The following FSTL4 variants were observed in gnomAD, a reference collection of about 807,000 sequenced individuals.
FSTL4 encodes the protein follistatin like 4.
Under a neutral mutation model 78.2 loss-of-function variants are expected in FSTL4, and 28 were observed. That is an observed-to-expected ratio of 0.36 (90% CI 0.27 to 0.49). The LOEUF (loss-of-function observed/expected upper bound fraction) is 0.49. Among genes scored for constraint, FSTL4 ranks in the 20% least tolerant of loss-of-function variants. FSTL4 has a pLI of 0.98. For missense variants in FSTL4, 922 were observed against 1,084.9 expected (o/e 0.85, Z 2.11); for synonymous variants, 422 against 440.5 (o/e 0.96, Z 0.53).
chr5:133,792,985 T>G, the FSTL4 span, among the ~76,000 whole-genome samples: 1 of 152,222 alleles, frequency 6.6e-6, no homozygotes, highest in Non-Finnish European at 1.5e-5. Flanking sequence ...GGACTGTCCT[T>G]GCTGGCTCTG....
At chr5:133,615,070 A>C (rs1325039455), upstream of FSTL4, among the ~76,000 whole-genome samples, 2 of 152,212 alleles carry the variant, frequency 1.3e-5, no homozygotes, top group Non-Finnish European at 2.9e-5. Flanking sequence ...ATATCAGGAT[A>C]CTCAGAGATG....
At chr5:133,536,669 G>T (rs1258374216) in intron 3 of FSTL4, among the ~76,000 whole-genome samples, 2 of 151,942 alleles carry the variant, frequency 1.3e-5, no homozygotes, top group Non-Finnish European at 2.9e-5. Context: ...AATTTTACTT[G>T]TTTTTGTCAT....
chr5:133,532,936 A>G (rs1354227978), intron 3 of FSTL4, among the ~76,000 whole-genome samples: 2 of 152,132 alleles, frequency 1.3e-5, no homozygotes, highest in Admixed American at 1.3e-4. Context: ...AGGGCAGGTG[A>G]TCTCCAAACC....
chr5:133,483,510 G>A (rs573608282), intron 3 of FSTL4, among the ~76,000 whole-genome samples: 90 of 152,248 alleles, frequency 5.9e-4, no homozygotes, highest in African/African-American at 2.0e-3. Context: ...CCATTTAAGC[G>A]CACTCCAGTC....
chr5:133,748,890 G>A, the FSTL4 span, among the ~76,000 whole-genome samples: 1 of 152,300 alleles, frequency 6.6e-6, no homozygotes, highest in South Asian at 2.1e-4. Flanking sequence ...AATTCCAAGA[G>A]CAGCTCTCTC....
chr5:133,567,259 T>C, intron 2 of FSTL4, 40 bp from the exon 3 acceptor site: 3 of 1,463,616 alleles, frequency 2.0e-6, no homozygotes, highest in Middle Eastern at 1.7e-4. Context: ...TGAAGAATAA[T>C]TCATATGTAC....
chr5:133,373,737 A>C (rs1755370936), intron 4 of FSTL4, among the ~76,000 whole-genome samples: 1 of 152,070 alleles, frequency 6.6e-6, no homozygotes, highest in South Asian at 2.1e-4. Context: ...GCCACAGTGC[A>C]CCCTCCATCT....
At chr5:133,359,577 T>C (rs1755022923) in intron 4 of FSTL4, among the ~76,000 whole-genome samples, 1 of 152,242 alleles carries the variant, frequency 6.6e-6, no homozygotes, top group African/African-American at 2.4e-5. Context: ...GTTCTGGGGA[T>C]GACAGCAATG....
At chr5:133,825,114 C>G in the FSTL4 span, among the ~76,000 whole-genome samples, 8 of 152,182 alleles carry the variant, frequency 5.3e-5, no homozygotes, top group Non-Finnish European at 7.3e-5. Flanking sequence ...CACTCAGGGA[C>G]TCAGTGCCTC....
the FSTL4 span, among the ~76,000 whole-genome samples, chr5:133,618,822 A>C: frequency 6.6e-6 from 1 of 152,354 alleles, no homozygotes; most frequent in East Asian, 1.9e-4. Context: ...TATGGCAGCT[A>C]TCACATATCT....
chr5:133,325,256 G>A (rs17166572), intron 4 of FSTL4, among the ~76,000 whole-genome samples: 5,241 of 152,068 alleles, frequency 0.034, 304 homozygotes, highest in African/African-American at 0.12. Context: ...TTTTTGCCCC[G>A]GCTCTGATCA....
At chr5:133,384,347 G>C (rs577140438) in intron 4 of FSTL4, among the ~76,000 whole-genome samples, 62 of 152,310 alleles carry the variant, frequency 4.1e-4, no homozygotes, top group African/African-American at 1.5e-3. Context: ...GACAGGGTGC[G>C]CCCTGACGAA....
chr5:133,727,706 A>C, the FSTL4 span, among the ~76,000 whole-genome samples: 2 of 152,238 alleles, frequency 1.3e-5, no homozygotes, highest in Admixed American at 1.3e-4. Context: ...TCCTGGAACC[A>C]TTCCACACTA....
the FSTL4 span, among the ~76,000 whole-genome samples, chr5:133,684,370 T>C: frequency 6.6e-6 from 1 of 152,164 alleles, no homozygotes; most frequent in African/African-American, 2.4e-5. Context: ...CTAAGTCCAC[T>C]TATTGGTTGC....
the FSTL4 span, among the ~76,000 whole-genome samples, chr5:133,721,769 C>T: frequency 4.2e-3 from 646 of 152,182 alleles, 12 homozygotes; most frequent in African/African-American, 0.015. Flanking sequence ...CCTCTTTGGG[C>T]TATATCTATC....
At chr5:133,295,665 T>G (rs1753377359) in intron 6 of FSTL4, among the ~76,000 whole-genome samples, 1 of 152,006 alleles carries the variant, frequency 6.6e-6, no homozygotes, top group South Asian at 2.1e-4. Flanking sequence ...TCCAAATGAC[T>G]AATACAAGTC....
At chr5:133,480,930 G>C (rs1758015454) in intron 3 of FSTL4, among the ~76,000 whole-genome samples, 1 of 152,176 alleles carries the variant, frequency 6.6e-6, no homozygotes, top group Admixed American at 6.5e-5. Context: ...ACACCAAACA[G>C]CAGGTGCCGC....
At chr5:133,588,116 C>T (rs1406222708) in intron 2 of FSTL4, among the ~76,000 whole-genome samples, 1 of 115,506 alleles carries the variant, frequency 8.7e-6, no homozygotes, top group Non-Finnish European at 1.9e-5. Flanking sequence ...CTTCCTTACA[C>T]CTTATACAAA....
At chr5:133,693,145 T>C in the FSTL4 span, among the ~76,000 whole-genome samples, 1 of 152,220 alleles carries the variant, frequency 6.6e-6, no homozygotes, top group African/African-American at 2.4e-5. Flanking sequence ...GGACAGGGTC[T>C]TGACAGGGCC....
Sources: gnomAD v4.1 joint callset for allele counts (sites outside exome capture counted in the v4.1 genomes callset) on GRCh38, gnomAD v4.1.1 for gene constraint, MANE v1.5 for transcripts, NCBI Gene and HGNC (gene_info 2026-07-23, HGNC 2026-07-21) for gene names.